The following GPR85 variants were observed in gnomAD, a reference collection of about 807,000 sequenced individuals.
The protein encoded by GPR85 is G protein-coupled receptor 85.
Under a neutral mutation model 21.3 loss-of-function variants are expected in GPR85, and 7 were observed. The observed-to-expected ratio is 0.33, with a 90% CI of 0.19 to 0.62. The LOEUF is 0.62. Among genes scored for constraint, GPR85 ranks in the 20% least tolerant of loss-of-function variants. The probability of loss-of-function intolerance (pLI) is 0.80; values close to 1 mark genes in which losing one functional copy is unlikely to be tolerated. For missense variants in GPR85, 299 were observed against 443.8 expected (o/e 0.67, Z 2.93); for synonymous variants, 167 against 166.1 (o/e 1.01, Z -0.04).
chr7:113,084,166 C>G lies in GPR85; in HGVS notation c.556G>C (p.Gly186Arg). The G allele has an allele frequency of 2.5e-6, 4 of 1,614,110 alleles. No homozygotes were observed. Among genetic ancestry groups the G allele is most frequent in the Non-Finnish European group, 3.4e-6 (4 of 1,180,004 alleles). Residue 186 changes from glycine (G) to arginine (R), a missense_variant, in exon 3 of 3, where the codon GGA becomes CGA. Transcript: ENST00000424100. ...ATGAGAGCAAGAAGCAGCATAAATCCTAAGGAATCATTAGCCCTGAAGGAG... is the reference window on the plus strand; with the variant it reads ...ATGAGAGCAAGAAGCAGCATAAATCGTAAGGAATCATTAGCCCTGAAGGAG... ...HRSFRANDSLGFMLLLALILL... is the reference protein window; with the variant it reads ...HRSFRANDSLRFMLLLALILL...
At chr7:113,086,288 TC>T in intron 1 of GPR85, 33 bp downstream of exon 1, 1 of 149,552 alleles carries the variant, frequency 6.7e-6, no homozygotes, top group Non-Finnish European at 1.5e-5. Flanking sequence ...TTCCCCCACA[TC>T]CCCCAAACTT....
chr7:113,083,586 G>A lies in GPR85; in HGVS notation c.*23C>T. On this transcript the variant is annotated 3_prime_UTR_variant, in exon 3 of 3. Transcript: ENST00000424100. The surrounding 1 kb of genome is among the most constrained non-coding windows in gnomAD (Gnocchi z 4.4). ...AGCAGAGAAGGTTAGTTTTCACAAG[G>A]CTAAAGATTTACAGATGCTCCCTCA... 1.3e-6 allele frequency: 2 copies of A among 1,590,110 alleles called. No homozygotes were observed. Among genetic ancestry groups the A allele is most frequent in the Non-Finnish European group, 1.7e-6 (2 of 1,167,926 alleles).
At chr7:113,086,834 C>T (rs1794318516), upstream of GPR85, among the ~76,000 whole-genome samples, 1 of 152,006 alleles carries the variant, frequency 6.6e-6, no homozygotes, top group Non-Finnish European at 1.5e-5. Flanking sequence ...AGTCACAGTG[C>T]CCGTGACGCC....
rs755360280 is a variant in GPR85 at position 113,084,260 on chromosome 7, A to G, written c.462T>C (p.Phe154=). 2.5e-6 allele frequency: 4 copies of G among 1,614,082 alleles called. No homozygotes were observed. The highest frequency in any genetic ancestry group is 2.2e-5 in the South Asian group (2 of 91,086). The change falls in exon 3 of 3, where the codon TTT becomes TTC. Residue 154 remains phenylalanine, a synonymous_variant. Transcript: ENST00000424100. The stretch of plus-strand genomic sequence containing the variant: ...AAGTGCCCACGTCTAAAACCGGGGG[A>G]AATGCCATGGCCACAGACAGAGTCC... ...MVWTLSVAMA[F]PPVLDVGTYS... is the part of the protein sequence containing the mutation.
At position 113,082,484 on chromosome 7, in the gene GPR85, T is replaced by C. The variant is rs1159383151; in HGVS notation, c.*1125A>G. On this transcript the variant is annotated 3_prime_UTR_variant, in exon 3 of 3. Coordinates refer to ENST00000424100, the MANE Select transcript of GPR85 (RefSeq NM_001146267.2). The stretch of plus-strand genomic sequence containing the variant: ...CTGTGCCTTCAGTAGAATAAATGCT[T>C]CACAAATTGTGCAGGATGTCATACT... 2.0e-5 allele frequency: 3 copies of C among 152,554 alleles called. No individual in the cohort carries two copies. The highest frequency in any genetic ancestry group is 7.2e-5 in the African/African-American group (3 of 41,442). 9.5% of individuals were successfully genotyped at this position (152,554 alleles called of 1,614,324 possible).
At position 113,082,631 on chromosome 7, in the gene GPR85, T is replaced by G. The variant is rs1794167884; in HGVS notation, c.*978A>C. 6.6e-6 allele frequency: 1 copy of G among 152,594 alleles called. No homozygotes were observed. Among genetic ancestry groups the G allele is most frequent in the African/African-American group, 2.4e-5 (1 of 41,444 alleles). The allele number at this position is 152,594 out of a possible 1,614,324, so 9.5% of individuals were successfully genotyped here. A position where few individuals can be genotyped will look rare whatever the true frequency, so the allele number is the denominator to read the frequency against. ...AGAAAATCTCATTATTTCAGTGATGTGCACTTTAAGTTTCAAACCATGTGA... is the reference window on the plus strand; with the variant it reads ...AGAAAATCTCATTATTTCAGTGATGGGCACTTTAAGTTTCAAACCATGTGA... On this transcript the variant is annotated 3_prime_UTR_variant, in exon 3 of 3. Coordinates refer to ENST00000424100, the MANE Select transcript of GPR85 (RefSeq NM_001146267.2).
rs373707431 is a variant in GPR85 at position 113,084,748 on chromosome 7, C to T, written c.-27G>A. On this transcript the variant is annotated 5_prime_UTR_variant, in exon 3 of 3. Transcript: ENST00000424100. ...GATGGATGGAGGATAAGGATACAGCCTCAGTCAAGTCTCATGATCTAGATA... is the reference window on the plus strand; with the variant it reads ...GATGGATGGAGGATAAGGATACAGCTTCAGTCAAGTCTCATGATCTAGATA... 14 of 1,562,300 alleles carry T rather than the reference C, an allele frequency of 9.0e-6. No individual in the cohort carries two copies. Among genetic ancestry groups the T allele is most frequent in the Non-Finnish European group, 1.2e-5 (14 of 1,144,278 alleles).
In GPR85 at chr7:113,086,421, T is replaced by G. The variant is rs1794297481; in HGVS notation, c.-388A>C. 1.1e-5 allele frequency: 1 copy of G among 89,890 alleles called. No homozygotes were observed. The highest frequency in any genetic ancestry group is 2.3e-5 in the Non-Finnish European group (1 of 43,838). The allele number at this position is 89,890 out of a possible 1,614,324, so 5.6% of individuals were successfully genotyped here. Reference sequence around the variant, plus strand: ...CTTTTTTTTTTTTTTTTTTTTGTTTTTTGTTTTTTTTTTTTTTTTTTTTGC... The same window carrying G: ...CTTTTTTTTTTTTTTTTTTTTGTTTGTTGTTTTTTTTTTTTTTTTTTTTGC... On this transcript the variant is annotated 5_prime_UTR_variant, in exon 1 of 3. Transcript: ENST00000424100.
chr7:113,086,442 T>TTTTTTTTG lies in GPR85; in HGVS notation c.-410_-409insCAAAAAAA. The TTTTTTTTG allele has an allele frequency of 1.5e-5, 2 of 133,638 alleles. No individual in the cohort carries two copies. The highest frequency in any genetic ancestry group is 2.5e-4 in the South Asian group (1 of 3,978). 8.3% of individuals were successfully genotyped at this position (133,638 alleles called of 1,614,324 possible). A position where few individuals can be genotyped will look rare whatever the true frequency, so the allele number is the denominator to read the frequency against. On this transcript the variant is annotated 5_prime_UTR_variant, in exon 1 of 3. It removes the in-frame stop codon of an upstream open reading frame in the 5' UTR. Coordinates refer to ENST00000424100, the MANE Select transcript of GPR85 (RefSeq NM_001146267.2). ...GTTTTTTGTTTTTTTTTTTTTTTTT[T>TTTTTTTTG]TTGCCTTAGTGCCTTGACTGAGCAT...
In GPR85 at chr7:113,086,406, T is replaced by TTTTTTTTTTG. The variant is rs1794291244; in HGVS notation, c.-374_-373insCAAAAAAAAA. ...TCTTTTTTTCTTTTTCTTTTTTTTTTTTTTTTTTTTGTTTTTTGTTTTTTT... is the reference window on the plus strand; with the variant it reads ...TCTTTTTTTCTTTTTCTTTTTTTTTTTTTTTTTTTGTTTTTTTTTTGTTTTTTGTTTTTTT... On this transcript the variant is annotated 5_prime_UTR_variant, in exon 1 of 3. It introduces an in-frame stop codon into an upstream open reading frame of the 5' UTR. Coordinates refer to ENST00000424100, the MANE Select transcript of GPR85 (RefSeq NM_001146267.2). 5.2e-5 allele frequency: 5 copies of TTTTTTTTTTG among 95,648 alleles called. 1 individual carries two copies. The highest frequency in any genetic ancestry group is 1.8e-4 in the African/African-American group (4 of 22,554). 5.9% of individuals were successfully genotyped at this position (95,648 alleles called of 1,614,324 possible).
In GPR85 at chr7:113,083,585, G is replaced by A. The variant is rs1347272936; in HGVS notation, c.*24C>T. The A allele has an allele frequency of 3.8e-6, 6 of 1,586,936 alleles. No homozygotes were observed. Among genetic ancestry groups the A allele is most frequent in the Non-Finnish European group, 5.1e-6 (6 of 1,166,572 alleles). ...CAGCAGAGAAGGTTAGTTTTCACAA[G>A]GCTAAAGATTTACAGATGCTCCCTC... On this transcript the variant is annotated 3_prime_UTR_variant, in exon 3 of 3. Coordinates refer to ENST00000424100, the MANE Select transcript of GPR85 (RefSeq NM_001146267.2). The surrounding 1 kb of genome is among the most constrained non-coding windows in gnomAD (Gnocchi z 4.4).
chr7:113,087,687 C>A (rs1347107368), upstream of GPR85: 2 of 153,172 alleles, frequency 1.3e-5, no homozygotes, highest in African/African-American at 2.4e-5. Flanking sequence ...TTATAATAAT[C>A]TGTTAATGAA....
intron 1 of GPR85, 94 bp from the exon 2 acceptor site, chr7:113,086,203 C>CACAGAG (rs1554401680): frequency 4.1e-5 from 1 of 24,518 alleles, no homozygotes; most frequent in African/African-American, 5.6e-5. Flanking sequence ...CAGAGACACA[C>CACAGAG]ACACACACAC....
chr7:113,086,437 T>TTTG lies in GPR85; in HGVS notation c.-405_-404insCAA, dbSNP rs1794304710. 2 of 117,002 alleles carry TTTG rather than the reference T, an allele frequency of 1.7e-5. No homozygotes were observed. The highest frequency in any genetic ancestry group is 3.6e-5 in the Non-Finnish European group (2 of 56,128). 7.2% of individuals were successfully genotyped at this position (117,002 alleles called of 1,614,324 possible). On this transcript the variant is annotated 5_prime_UTR_variant, in exon 1 of 3. Coordinates refer to ENST00000424100, the MANE Select transcript of GPR85 (RefSeq NM_001146267.2). Reference sequence around the variant, plus strand: ...TTTTTGTTTTTTGTTTTTTTTTTTTTTTTTTTTGCCTTAGTGCCTTGACTG... The same window carrying TTTG: ...TTTTTGTTTTTTGTTTTTTTTTTTTTTTGTTTTTTTGCCTTAGTGCCTTGACTG...
chr7:113,087,552 T>C (rs1794340028), upstream of GPR85: 1 of 154,394 alleles, frequency 6.5e-6, no homozygotes, highest in Non-Finnish European at 1.5e-5. Flanking sequence ...CGAAGAGTTT[T>C]GTTTGTGGAG....
In GPR85 at chr7:113,083,948, G is replaced by A; in HGVS notation, c.774C>T (p.Gly258=). 1.2e-6 allele frequency: 2 copies of A among 1,614,172 alleles called. No individual in the cohort carries two copies. The highest frequency in any genetic ancestry group is 1.7e-6 in the Non-Finnish European group (2 of 1,180,006). ...GRGPTPPTLL[G]IRQNANTTGR... is the part of the protein sequence containing the mutation. ...CTGTGGTGTTTGCATTTTGCCTGAT[G>A]CCCAGCAAGGTGGGTGGTGTGGGAC... is the stretch of plus-strand genomic sequence containing the variant. The change falls in exon 3 of 3, where the codon GGC becomes GGT. Residue 258 remains glycine (G), a synonymous_variant. Transcript: ENST00000424100. The surrounding 1 kb of genome is among the most constrained non-coding windows in gnomAD (Gnocchi z 4.4).
chr7:113,084,244 C>T lies in GPR85; in HGVS notation c.478G>A (p.Val160Met), dbSNP rs750487304. Residue 160 changes from valine to methionine, a missense_variant, in exon 3 of 3, where the codon GTG becomes ATG. Transcript: ENST00000424100. ...VAMAFPPVLD[V>M]GTYSFIREED... ...TCCCTAATGAATGAGTAAGTGCCCA[C>T]GTCTAAAACCGGGGGAAATGCCATG... 8.1e-6 allele frequency: 13 copies of T among 1,613,976 alleles called. No individual in the cohort carries two copies. The highest frequency in any genetic ancestry group is 4.0e-5 in the African/African-American group (3 of 74,906).
At position 113,083,773 on chromosome 7, in the gene GPR85, G is replaced by A. The variant is rs1243853349; in HGVS notation, c.949C>T (p.Pro317Ser). Residue 317 changes from proline to serine, a missense_variant, in exon 3 of 3, where the codon CCA becomes TCA. By Grantham distance (74) the Pro-to-Ser change is moderately conservative (BLOSUM62 -1). Coordinates refer to ENST00000424100, the MANE Select transcript of GPR85 (RefSeq NM_001146267.2). This position sits in a 1 kb window ranked among gnomAD's most constrained non-coding sequence, Gnocchi z 4.4. ...WRVFARGPVV[P>S]GGFLTAAVWM... is the part of the protein sequence containing the mutation. The stretch of plus-strand genomic sequence containing the variant: ...ACAGCAGCTGTTAGAAATCCCCCTG[G>A]TACTACAGGCCCTCTTGCAAAAACT... The A allele has an allele frequency of 1.2e-6, 2 of 1,614,092 alleles. No homozygotes were observed. Among genetic ancestry groups the A allele is most frequent in the Admixed American group, 1.7e-5 (1 of 60,014 alleles).
At chr7:113,085,676 T>C (rs1329339467) in intron 2 of GPR85, among the ~76,000 whole-genome samples, 3 of 152,196 alleles carry the variant, frequency 2.0e-5, no homozygotes, top group Non-Finnish European at 2.9e-5. Flanking sequence ...ATAACCTTTG[T>C]TGCAAATCAC....
Sources: gnomAD v4.1 joint callset for allele counts (sites outside exome capture counted in the v4.1 genomes callset) on GRCh38, gnomAD v4.1.1 for gene constraint, Gnocchi (gnomAD v3.1) non-coding constraint, MANE v1.5 for transcripts, NCBI Gene and HGNC (gene_info 2026-07-23, HGNC 2026-07-21) for gene names.